RFTN1: variants seen among roughly 807,000 people sequenced by gnomAD.
RFTN1 encodes the protein raftlin.
A neutral mutation model predicts 46.5 loss-of-function variants in RFTN1; 26 were observed. The ratio of observed to expected loss-of-function variants is 0.56; its 90% CI spans 0.41 to 0.78. The LOEUF (loss-of-function observed/expected upper bound fraction) is 0.78. RFTN1 is among the 30% of genes least tolerant of loss of function. The pLI is 0.00. For missense variants in RFTN1, 693 were observed against 718.7 expected (o/e 0.96, Z 0.41); for synonymous variants, 261 against 284.2 (o/e 0.92, Z 0.82).
chr3:16,508,700 A>G (rs866338524), intron 1 of RFTN1, among the ~76,000 whole-genome samples: 6,354 of 142,798 alleles, frequency 0.044, 422 homozygotes, highest in African/African-American at 0.16. Flanking sequence ...ACGCACGCAC[A>G]CACACACACA....
chr3:16,426,813 T>C lies in RFTN1; in HGVS notation c.332+7038A>G, dbSNP rs912587020. On this transcript the variant is annotated intron_variant, in intron 3 of 9. Coordinates refer to ENST00000334133, the MANE Select transcript of RFTN1 (RefSeq NM_015150.2). This position sits in a 1 kb window ranked among gnomAD's most constrained non-coding sequence, Gnocchi z 5.9. ...ATCTCATAATGAATTTATGGTCCTT[T>C]AGTAAAAGATTGTAGCAAAATTCCA... is the stretch of plus-strand genomic sequence containing the variant. 2.7e-4 allele frequency among the ~76,000 whole-genome samples: 41 copies of C among 152,262 alleles called. No individual in the cohort carries two copies. The highest frequency in any genetic ancestry group is 9.6e-4 in the African/African-American group (40 of 41,544).
chr3:16,501,377 C>A (rs141499446), intron 1 of RFTN1, among the ~76,000 whole-genome samples: 1 of 152,156 alleles, frequency 6.6e-6, no homozygotes, highest in African/African-American at 2.4e-5. Context: ...TCAGCTATAA[C>A]GTAGAAAAGG....
In RFTN1 at chr3:16,489,149, G is replaced by A. The variant is rs1243935291; in HGVS notation, c.145+4576C>T. On this transcript the variant is annotated intron_variant, in intron 2 of 9. Coordinates refer to ENST00000334133, the MANE Select transcript of RFTN1 (RefSeq NM_015150.2). The surrounding 1 kb of genome is among the most constrained non-coding windows in gnomAD (Gnocchi z 4.0). The stretch of plus-strand genomic sequence containing the variant: ...ATCAGTGATGGAGGCCGGGTGAGGT[G>A]GCTCACACCTGTAATCCCGGCACTT... Among the ~76,000 whole-genome samples the A allele has an allele frequency of 3.3e-5, 5 of 152,202 alleles. No individual in the cohort carries two copies. Among genetic ancestry groups the A allele is most frequent in the Non-Finnish European group, 7.3e-5 (5 of 68,036 alleles).
Position 16,462,197 on chromosome 3 carries a change from A to C in RFTN1, c.146-28160T>G, listed in dbSNP as rs1351456933. On this transcript the variant is annotated intron_variant, in intron 2 of 9. Coordinates refer to ENST00000334133, the MANE Select transcript of RFTN1 (RefSeq NM_015150.2). ...CCTCTTCTGTACAATGGTGGTAATA[A>C]GGGAACCTGATTTATAGAGTCAGAA... 5.3e-5 allele frequency among the ~76,000 whole-genome samples: 8 copies of C among 152,238 alleles called. No individual in the cohort carries two copies. The South Asian group carries it at 1.7e-3, about 32-fold the overall frequency.
At chr3:16,394,040 T>C (rs2074413534) in intron 4 of RFTN1, among the ~76,000 whole-genome samples, 1 of 152,022 alleles carries the variant, frequency 6.6e-6, no homozygotes, top group Non-Finnish European at 1.5e-5. Context: ...TGGGGTGCTA[T>C]AGTAGGCAAT....
chr3:16,379,623 T>C (rs1321236744), intron 4 of RFTN1, among the ~76,000 whole-genome samples: 1 of 152,140 alleles, frequency 6.6e-6, no homozygotes, highest in East Asian at 1.9e-4. Context: ...TGTCAAAGCA[T>C]CAACTACATA....
Position 16,361,521 on chromosome 3 carries a change from G to T in RFTN1, c.1031-3474C>A, listed in dbSNP as rs1189736746. Among the ~76,000 whole-genome samples the T allele has an allele frequency of 6.6e-6, 1 of 152,128 alleles. No homozygotes were observed. The highest frequency in any genetic ancestry group is 1.9e-4 in the East Asian group (1 of 5,194). On this transcript the variant is annotated intron_variant, in intron 6 of 9. Coordinates refer to ENST00000334133, the MANE Select transcript of RFTN1 (RefSeq NM_015150.2). This position sits in a 1 kb window ranked among gnomAD's most constrained non-coding sequence, Gnocchi z 4.3. ...TTTTTGAAAGAGGCATCAGGGTAGG[G>T]CTCCCCACTTCGAGTGAACTAAGCA...
Position 16,381,825 on chromosome 3 carries a change from A to C in RFTN1, c.442-3723T>G, listed in dbSNP as rs540738663. On this transcript the variant is annotated intron_variant, in intron 4 of 9. Transcript: ENST00000334133. This position sits in a 1 kb window ranked among gnomAD's most constrained non-coding sequence, Gnocchi z 4.2. Reference sequence around the variant, plus strand: ...CTTGACTAGACATGACAAGGACCGGATCACATATGGCCTTGGATCCATGCC... The same window carrying C: ...CTTGACTAGACATGACAAGGACCGGCTCACATATGGCCTTGGATCCATGCC... Among the ~76,000 whole-genome samples the C allele has an allele frequency of 6.6e-6, 1 of 152,280 alleles. No individual in the cohort carries two copies. The highest frequency in any genetic ancestry group is 1.9e-4 in the East Asian group (1 of 5,178).
At chr3:16,357,124 AAAAACAAAAAAAC>A (rs1334258164) in intron 7 of RFTN1, among the ~76,000 whole-genome samples, 4 of 81,984 alleles carry the variant, frequency 4.9e-5, no homozygotes, top group Admixed American at 1.2e-4. Flanking sequence ...CAAAAAAAAA[AAAAACAAAAAAAC>A]AAACAAACAA....
chr3:16,359,081 T>C (rs561458059), intron 6 of RFTN1, among the ~76,000 whole-genome samples: 1 of 147,260 alleles, frequency 6.8e-6, no homozygotes, highest in African/African-American at 2.5e-5. Flanking sequence ...CTTGACCCTA[T>C]AGAATACACT....
intron 7 of RFTN1, among the ~76,000 whole-genome samples, chr3:16,330,135 A>G (rs1380359851): frequency 6.6e-6 from 1 of 152,210 alleles, no homozygotes; most frequent in African/African-American, 2.4e-5. Flanking sequence ...GGAAAACACA[A>G]CAAAACAACC....
At chr3:16,405,015 C>T (rs1313333222) in intron 4 of RFTN1, among the ~76,000 whole-genome samples, 1 of 152,142 alleles carries the variant, frequency 6.6e-6, no homozygotes, top group Admixed American at 6.5e-5. Context: ...TGACTGAAAA[C>T]TTCAAAGTGC....
At chr3:16,323,952 G>A (rs1241997913) in intron 8 of RFTN1, among the ~76,000 whole-genome samples, 5 of 152,180 alleles carry the variant, frequency 3.3e-5, no homozygotes, top group African/African-American at 4.8e-5. Context: ...AGCACCAGGC[G>A]GGCCCTGCAA....
rs984080705 is a variant in RFTN1 at position 16,498,792 on chromosome 3, A to G, written c.-8-4915T>C. Among the ~76,000 whole-genome samples, 1 of 152,198 alleles carries G rather than the reference A, an allele frequency of 6.6e-6. No homozygotes were observed. Among genetic ancestry groups the G allele is most frequent in the Non-Finnish European group, 1.5e-5 (1 of 68,032 alleles). On this transcript the variant is annotated intron_variant, in intron 1 of 9. Coordinates refer to ENST00000334133, the MANE Select transcript of RFTN1 (RefSeq NM_015150.2). This position sits in a 1 kb window ranked among gnomAD's most constrained non-coding sequence, Gnocchi z 5.2. ...TCCACCAACTCCCACCCCTGTCAAA[A>G]TAGGAAAGACTTTTACATCATTTCA...
chr3:16,433,808 T>G lies in RFTN1; in HGVS notation c.332+43A>C, dbSNP rs1202163361. The G allele has an allele frequency of 6.3e-7, 1 of 1,599,240 alleles. No individual in the cohort carries two copies. The highest frequency in any genetic ancestry group is 8.6e-7 in the Non-Finnish European group (1 of 1,166,786). On this transcript the variant is annotated intron_variant, in intron 3 of 9. Coordinates refer to ENST00000334133, the MANE Select transcript of RFTN1 (RefSeq NM_015150.2). The surrounding 1 kb of genome is among the most constrained non-coding windows in gnomAD (Gnocchi z 4.4). Reference sequence around the variant, plus strand: ...TTCCCCTCCTCTATTGAGCATAACTTAGCCGCAACAGGATGCTACCCATTC... The same window carrying G: ...TTCCCCTCCTCTATTGAGCATAACTGAGCCGCAACAGGATGCTACCCATTC...
intron 6 of RFTN1, among the ~76,000 whole-genome samples, chr3:16,358,631 G>A (rs180793007): frequency 1.9e-4 from 29 of 152,058 alleles, no homozygotes; most frequent in Admixed American, 1.8e-3. Context: ...TGTTTCCCTG[G>A]GTGCTGCTCT....
intron 7 of RFTN1, chr3:16,347,922 G>A (rs1292028905): frequency 6.6e-6 from 1 of 152,232 alleles, no homozygotes; most frequent in Admixed American, 6.5e-5. Context: ...TGCTGCCAGT[G>A]AGGGAGCGGG....
intron 2 of RFTN1, among the ~76,000 whole-genome samples, chr3:16,471,657 A>G (rs1050847719): frequency 1.3e-5 from 2 of 151,984 alleles, no homozygotes; most frequent in Admixed American, 1.3e-4. Flanking sequence ...ACAAGTTTTT[A>G]AATAGACACA....
rs930892920 is a variant in RFTN1, at chr3:16,468,213, T to G, written c.145+25512A>C. Among the ~76,000 whole-genome samples, 1 of 152,234 alleles carries G rather than the reference T, an allele frequency of 6.6e-6. No homozygotes were observed. Among genetic ancestry groups the G allele is most frequent in the South Asian group, 2.1e-4 (1 of 4,832 alleles). ...AGAAATTCCGTCGGCTTAATTTATG[T>G]GGCTCATTCCTCATTCCCTTTCAGC... On this transcript the variant is annotated intron_variant, in intron 2 of 9. Transcript: ENST00000334133. The surrounding 1 kb of genome is among the most constrained non-coding windows in gnomAD (Gnocchi z 4.4).
Sources: allele counts gnomAD v4.1 joint callset (sites outside exome capture counted in the v4.1 genomes callset), GRCh38; gene constraint gnomAD v4.1.1; non-coding constraint Gnocchi (gnomAD v3.1); transcripts MANE v1.5; gene names NCBI Gene and HGNC (gene_info 2026-07-23, HGNC 2026-07-21).